The following GLIS1 variants were observed in gnomAD, a reference collection of about 807,000 sequenced individuals.
GLIS1 encodes GLIS family zinc finger 1.
A neutral mutation model predicts 63.8 loss-of-function variants in GLIS1; 24 were observed. The ratio of observed to expected loss-of-function variants is 0.38; its 90% CI spans 0.27 to 0.53. The LOEUF (loss-of-function observed/expected upper bound fraction) is 0.53, where lower values mean the gene tolerates loss of function less well. Among genes scored for constraint, GLIS1 ranks in the 20% least tolerant of loss-of-function variants. GLIS1 has a pLI of 0.85. For synonymous variants in GLIS1, 450 were observed against 482.5 expected (o/e 0.93, Z 0.88); for missense variants, 1,036 against 1,074.1 (o/e 0.96, Z 0.50).
chr1:53,658,762 C>A (rs948459262), intron 2 of GLIS1, among the ~76,000 whole-genome samples: 2 of 152,320 alleles, frequency 1.3e-5, no homozygotes, highest in African/African-American at 4.8e-5. Context: ...TGGTGCACAG[C>A]AGGAGGTAGG....
intron 4 of GLIS1, among the ~76,000 whole-genome samples, chr1:53,570,441 G>C (rs956227011): frequency 6.6e-6 from 1 of 152,048 alleles, no homozygotes; most frequent in Non-Finnish European, 1.5e-5. Flanking sequence ...TTTTAAAGTT[G>C]ATTCCAAAAT....
Position 53,506,334 on chromosome 1 carries a change from G to T in GLIS1, c.*285C>A. On this transcript the variant is annotated 3_prime_UTR_variant, in exon 11 of 11. Transcript: ENST00000628545. The stretch of plus-strand genomic sequence containing the variant: ...GTTCTGCATATTTTATATACACGAG[G>T]TCTGTGATTTCAAAACCACTGCGGG... 1 of 446,702 alleles carries T rather than the reference G, an allele frequency of 2.2e-6. No homozygotes were observed. Among genetic ancestry groups the T allele is most frequent in the Non-Finnish European group, 4.0e-6 (1 of 250,306 alleles). 27.7% of individuals were successfully genotyped at this position (446,702 alleles called of 1,614,324 possible). A position where few individuals can be genotyped will look rare whatever the true frequency, so the allele number is the denominator to read the frequency against.
At chr1:53,508,920 T>C (rs1326383622) in intron 10 of GLIS1, among the ~76,000 whole-genome samples, 200 bp downstream of exon 10, 1 of 152,220 alleles carries the variant, frequency 6.6e-6, no homozygotes, top group Non-Finnish European at 1.5e-5. Context: ...GCAAGGAGCA[T>C]GCACTTTCCA....
intron 10 of GLIS1, among the ~76,000 whole-genome samples, chr1:53,507,664 T>C (rs1644249109): frequency 2.0e-5 from 3 of 152,192 alleles, no homozygotes; most frequent in Non-Finnish European, 4.4e-5. Flanking sequence ...TGTGTGATTT[T>C]TGCTTGACCG....
intron 2 of GLIS1, among the ~76,000 whole-genome samples, chr1:53,618,140 C>T (rs1229742481): frequency 2.6e-5 from 4 of 152,228 alleles, no homozygotes; most frequent in African/African-American, 9.7e-5. Flanking sequence ...GGACAGTCTC[C>T]CCACTGGCCG....
At chr1:53,557,282 G>A (rs1644844446) in intron 4 of GLIS1, among the ~76,000 whole-genome samples, 1 of 152,090 alleles carries the variant, frequency 6.6e-6, no homozygotes. Context: ...AAAGGCCCCA[G>A]GACAGCTCCA....
At chr1:53,508,134 G>A (rs779916257) in intron 10 of GLIS1, among the ~76,000 whole-genome samples, 14 of 141,572 alleles carry the variant, frequency 9.9e-5, no homozygotes, top group East Asian at 8.1e-4. Context: ...TGGGGTTCAC[G>A]GACATCCACA....
intron 4 of GLIS1, among the ~76,000 whole-genome samples, chr1:53,579,086 C>T (rs1357064592): frequency 6.7e-6 from 1 of 150,238 alleles, no homozygotes; most frequent in Non-Finnish European, 1.5e-5. Flanking sequence ...CAGTTTAGGT[C>T]AAAGAAAATG....
intron 2 of GLIS1, among the ~76,000 whole-genome samples, chr1:53,735,162 G>A (rs1017846605): frequency 6.6e-6 from 1 of 152,204 alleles, no homozygotes; most frequent in Non-Finnish European, 1.5e-5. Context: ...TCACTGGGCA[G>A]CTGTGGCCAC....
intron 2 of GLIS1, among the ~76,000 whole-genome samples, chr1:53,622,325 G>C (rs537741930): frequency 1.1e-4 from 16 of 150,672 alleles, no homozygotes; most frequent in African/African-American, 3.9e-4. Context: ...CTACTCGGGA[G>C]ACTGAGGAAG....
intron 2 of GLIS1, among the ~76,000 whole-genome samples, chr1:53,706,086 T>G (rs1418103426): frequency 6.6e-6 from 1 of 152,228 alleles, no homozygotes; most frequent in Non-Finnish European, 1.5e-5. Context: ...TATTGGCTAA[T>G]GTACTCTGGG....
chr1:53,536,755 G>A (rs1644585110), intron 4 of GLIS1, among the ~76,000 whole-genome samples: 1 of 152,172 alleles, frequency 6.6e-6, no homozygotes, highest in African/African-American at 2.4e-5. Context: ...AGGCGTCACA[G>A]GTTCCATTCC....
chr1:53,600,231 G>T lies in GLIS1; in HGVS notation c.307C>A (p.Leu103Met). ...HRTPGSEKSL[L>M]DLDLAEGPGP... Reference sequence around the variant, plus strand: ...GGGCCCTCAGCAAGGTCCAGGTCCAGCAGGCTCTTCTCTGAGCCCGGGGTA... The same window carrying T: ...GGGCCCTCAGCAAGGTCCAGGTCCATCAGGCTCTTCTCTGAGCCCGGGGTA... The change falls in exon 3 of 11, where the codon CTG becomes ATG. Residue 103 changes from leucine to methionine, a missense_variant. Transcript: ENST00000628545. 4.9e-6 allele frequency: 6 copies of T among 1,232,150 alleles called. No homozygotes were observed. The highest frequency in any genetic ancestry group is 6.1e-6 in the Non-Finnish European group (6 of 987,938). 76.3% of individuals were successfully genotyped at this position (1,232,150 alleles called of 1,614,324 possible).
chr1:53,719,001 G>C (rs776542334), intron 2 of GLIS1, among the ~76,000 whole-genome samples: 15 of 152,152 alleles, frequency 9.9e-5, no homozygotes, highest in South Asian at 4.1e-4. Context: ...TGGGGTCCTA[G>C]GGAGCTCCTC....
intron 2 of GLIS1, chr1:53,734,274 T>C (rs41301257): frequency 4.8e-6 from 4 of 830,276 alleles, no homozygotes; most frequent in Non-Finnish European, 5.8e-6. Flanking sequence ...GAACAGCAAC[T>C]CTGGACAAAT....
intron 2 of GLIS1, among the ~76,000 whole-genome samples, chr1:53,660,199 G>A (rs764808974): frequency 6.6e-6 from 1 of 152,144 alleles, no homozygotes; most frequent in African/African-American, 2.4e-5. Flanking sequence ...GGGAGGCTAG[G>A]CATCCACTGC....
At chr1:53,710,283 T>A (rs1419788270) in intron 2 of GLIS1, among the ~76,000 whole-genome samples, 3 of 152,268 alleles carry the variant, frequency 2.0e-5, no homozygotes, top group Non-Finnish European at 4.4e-5. Context: ...CCTTTCACAT[T>A]TCACACCTAA....
chr1:53,651,829 G>A (rs551011179), intron 2 of GLIS1, among the ~76,000 whole-genome samples: 8 of 150,296 alleles, frequency 5.3e-5, no homozygotes, highest in Admixed American at 2.0e-4. Context: ...AGCCATGTTC[G>A]TGCCACTGCA....
At chr1:53,676,801 G>A (rs1165689159) in intron 2 of GLIS1, among the ~76,000 whole-genome samples, 1 of 151,208 alleles carries the variant, frequency 6.6e-6, no homozygotes, top group Non-Finnish European at 1.5e-5. Context: ...AAGCCAGGCT[G>A]TATCCCTCCC....
Sources: gnomAD v4.1 joint callset for allele counts (sites outside exome capture counted in the v4.1 genomes callset) on GRCh38, gnomAD v4.1.1 for gene constraint, MANE v1.5 for transcripts, NCBI Gene and HGNC (gene_info 2026-07-23, HGNC 2026-07-21) for gene names.